RLIM: variants seen among roughly 807,000 people sequenced by gnomAD.
RLIM encodes ring finger protein, LIM domain interacting, also known as E3 ubiquitin-protein ligase RLIM.
RLIM carries 2 observed loss-of-function variants against 34.0 expected under a neutral mutation model. The observed-to-expected ratio is 0.06, with a 90% CI of 0.02 to 0.19. The LOEUF (loss-of-function observed/expected upper bound fraction) is 0.19. RLIM is among the 10% of genes least tolerant of loss of function. The pLI is 1.00. For missense variants in RLIM, 286 were observed against 479.7 expected, an observed-to-expected ratio of 0.60 and a Z score of 3.77; for synonymous variants, 169 against 164.0, an observed-to-expected ratio of 1.03 and a Z score of -0.23.
rs1423172406 is a variant in RLIM at position 74,587,209 on chromosome X, C to T, written c.*4231G>A. ...TTTTTCATGTTTTTTCAAAAGCACA[C>T]AATTTACTAGTTAACTCAATGAATT... On this transcript the variant is annotated 3_prime_UTR_variant, in exon 4 of 4. Coordinates refer to ENST00000332687, the MANE Select transcript of RLIM (RefSeq NM_016120.4). The T allele has an allele frequency of 1.8e-5, 2 of 111,839 alleles. No individual in the cohort carries two copies. The highest frequency in any genetic ancestry group is 3.8e-5 in the Non-Finnish European group (2 of 53,176). 9.2% of individuals were successfully genotyped at this position (111,839 alleles called of 1,213,427 possible).
Position 74,590,223 on chromosome X carries a change from G to A in RLIM, c.*1217C>T, listed in dbSNP as rs1002072892. ...TCCTCCATTTTTTCATTTTTGAGGA[G>A]CAGACTTGTAAATTTAACTTGTGCT... On this transcript the variant is annotated 3_prime_UTR_variant, in exon 4 of 4. Coordinates refer to ENST00000332687, the MANE Select transcript of RLIM (RefSeq NM_016120.4). 1 of 111,747 alleles carries A rather than the reference G, an allele frequency of 8.9e-6. No individual in the cohort carries two copies. The highest frequency in any genetic ancestry group is 3.3e-5 in the African/African-American group (1 of 30,716). The allele number at this position is 111,747 out of a possible 1,213,427, so 9.2% of individuals were successfully genotyped here. A position where few individuals can be genotyped will look rare whatever the true frequency, so the allele number is the denominator to read the frequency against.
At position 74,592,753 on chromosome X, in the gene RLIM, G is replaced by A; in HGVS notation, c.562C>T (p.Pro188Ser). 8.3e-7 allele frequency: 1 copy of A among 1,211,636 alleles called. No homozygotes were observed. The highest frequency in any genetic ancestry group is 1.1e-6 in the Non-Finnish European group (1 of 895,345). The change falls in exon 4 of 4, where the codon CCA (proline) becomes TCA (serine). Residue 188 changes from proline (P) to serine (S), a missense_variant. Around this residue, in one of 6 missense-constraint regions of RLIM, gnomAD observed 121 missense variants for 182.4 expected, o/e 0.66. Coordinates refer to ENST00000332687, the MANE Select transcript of RLIM (RefSeq NM_016120.4). ...GTTGAATTTCGTTCTGATCTAGATG[G>A]CCTTGCAGATGTTGATTCAGATCGT... ...NPRSESTSARPSRSERNSTEA... is the reference protein window; with the variant it reads ...NPRSESTSARSSRSERNSTEA...
rs898466090 is a variant in RLIM, at chrX:74,588,991, G to C, written c.*2449C>G. ...AAATCCGTGAGTGCTACTGAAAAAG[G>C]TGTTCACATGCACATGTCCAATATG... On this transcript the variant is annotated 3_prime_UTR_variant, in exon 4 of 4. Transcript: ENST00000332687. 4.5e-5 allele frequency: 5 copies of C among 112,085 alleles called. No individual in the cohort carries two copies. The highest frequency in any genetic ancestry group is 9.4e-5 in the Non-Finnish European group (5 of 53,258). 9.2% of individuals were successfully genotyped at this position (112,085 alleles called of 1,213,427 possible). A position where few individuals can be genotyped will look rare whatever the true frequency, so the allele number is the denominator to read the frequency against.
chrX:74,584,613 G>A lies in RLIM; in HGVS notation c.*6827C>T, dbSNP rs986225366. ...TTTTTTTGAGACAAGGTTTTGCTCTGTAACCCAGGCTGGAGTGCATCAGCA... is the reference window on the plus strand; with the variant it reads ...TTTTTTTGAGACAAGGTTTTGCTCTATAACCCAGGCTGGAGTGCATCAGCA... On this transcript the variant is annotated 3_prime_UTR_variant, in exon 4 of 4. Coordinates refer to ENST00000332687, the MANE Select transcript of RLIM (RefSeq NM_016120.4). 9.0e-6 allele frequency among the ~76,000 whole-genome samples: 1 copy of A among 110,847 alleles called. No homozygotes were observed. Among genetic ancestry groups the A allele is most frequent in the Non-Finnish European group, 1.9e-5 (1 of 52,989 alleles).
chrX:74,605,799 A>G (rs1378332391), intron 1 of RLIM, among the ~76,000 whole-genome samples: 1 of 111,924 alleles, frequency 8.9e-6, no homozygotes, highest in Non-Finnish European at 1.9e-5. Flanking sequence ...TTACACCTGT[A>G]TTTCATTTAA....
chrX:74,613,654 T>TA (rs1350283195), intron 1 of RLIM, among the ~76,000 whole-genome samples: 3 of 106,241 alleles, frequency 2.8e-5, no homozygotes, highest in African/African-American at 3.4e-5. Flanking sequence ...TTTTTTTTTT[T>TA]AATGGGGGAG....
intron 1 of RLIM, among the ~76,000 whole-genome samples, chrX:74,598,588 C>CTAACACAG (rs2079648839): frequency 9.1e-6 from 1 of 110,414 alleles, no homozygotes; most frequent in Non-Finnish European, 1.9e-5. Flanking sequence ...ACCATCCTGG[C>CTAACACAG]TAACACAGTG....
intron 1 of RLIM, among the ~76,000 whole-genome samples, chrX:74,604,139 TA>T (rs1175817667): frequency 8.6e-4 from 93 of 107,917 alleles, no homozygotes; most frequent in African/African-American, 3.0e-3. Context: ...CATTTCAACA[TA>T]AAAAAAAATT....
chrX:74,596,019 C>T lies in RLIM; in HGVS notation c.-23-19G>A. On this transcript the variant is annotated intron_variant, in intron 1 of 3. Coordinates refer to ENST00000332687, the MANE Select transcript of RLIM (RefSeq NM_016120.4). ...AAAATACCTGAAAAGAGAAAAGAGA[C>T]TAATCTTGAAAATAAAGGTCACTAT... 4 of 1,016,012 alleles carry T rather than the reference C, an allele frequency of 3.9e-6. No individual in the cohort carries two copies. Among genetic ancestry groups the T allele is most frequent in the Non-Finnish European group, 5.3e-6 (4 of 752,442 alleles). The allele number at this position is 1,016,012 out of a possible 1,213,427, so 83.7% of individuals were successfully genotyped here.
At position 74,592,765 on chromosome X, in the gene RLIM, T is replaced by A. The variant is rs1230638226; in HGVS notation, c.550A>T (p.Thr184Ser). The change falls in exon 4 of 4, where the codon ACA becomes TCA. Residue 184 changes from threonine to serine, a missense_variant. Physicochemically the swap from Thr to Ser is moderately conservative, Grantham distance 58 (BLOSUM62 1). This residue lies in a region of RLIM where 121 missense variants were observed against 182.4 expected (regional missense o/e 0.66). Transcript: ENST00000332687. ...RQVENPRSES[T>S]SARPSRSERN... ...TCTGATCTAGATGGCCTTGCAGATGTTGATTCAGATCGTGGGTTTTCCACT... is the reference window on the plus strand; with the variant it reads ...TCTGATCTAGATGGCCTTGCAGATGATGATTCAGATCGTGGGTTTTCCACT... 1 of 1,211,875 alleles carries A rather than the reference T, an allele frequency of 8.3e-7. No individual in the cohort carries two copies. Among genetic ancestry groups the A allele is most frequent in the Admixed American group, 2.2e-5 (1 of 46,081 alleles).
rs1470908999 is a variant in RLIM, at chrX:74,586,784, T to C, written c.*4656A>G. 1 of 112,893 alleles carries C rather than the reference T, an allele frequency of 8.9e-6. No individual in the cohort carries two copies. Among genetic ancestry groups the C allele is most frequent in the Non-Finnish European group, 1.9e-5 (1 of 53,420 alleles). The allele number at this position is 112,893 out of a possible 1,213,427, so 9.3% of individuals were successfully genotyped here. On this transcript the variant is annotated 3_prime_UTR_variant, in exon 4 of 4. Transcript: ENST00000332687. ...CTTAACTCATAGCTGTTTTAGTTGA[T>C]TAAAAAATCTGATTTAAAAATAAGT... is the stretch of plus-strand genomic sequence containing the variant.
At chrX:74,600,545 G>C (rs2079656924) in intron 1 of RLIM, among the ~76,000 whole-genome samples, 1 of 111,774 alleles carries the variant, frequency 8.9e-6, no homozygotes, top group Admixed American at 9.6e-5. Context: ...ACTTGTGTAG[G>C]ATAGGTAAAT....
At position 74,584,712 on chromosome X, in the gene RLIM, G is replaced by GACCACAGCTGTGTACC. The variant is rs1555996155; in HGVS notation, c.*6712_*6727dup. Among the ~76,000 whole-genome samples the GACCACAGCTGTGTACC allele has an allele frequency of 1.8e-5, 2 of 111,322 alleles. No individual in the cohort carries two copies. The highest frequency in any genetic ancestry group is 3.8e-5 in the Non-Finnish European group (2 of 53,090). Reference sequence around the variant, plus strand: ...CCACCTCAGCCTCCCAAGTAGCTGGGACCACAGCTGTGTACCACCACACCT... The same window carrying GACCACAGCTGTGTACC: ...CCACCTCAGCCTCCCAAGTAGCTGGGACCACAGCTGTGTACCACCACAGCTGTGTACCACCACACCT... On this transcript the variant is annotated 3_prime_UTR_variant, in exon 4 of 4. Coordinates refer to ENST00000332687, the MANE Select transcript of RLIM (RefSeq NM_016120.4).
intron 3 of RLIM, among the ~76,000 whole-genome samples, chrX:74,593,893 A>G (rs146765951): frequency 1.8e-4 from 20 of 112,626 alleles, no homozygotes; most frequent in African/African-American, 5.5e-4. Flanking sequence ...CCTGCCCTCT[A>G]CACAAATGTC....
intron 1 of RLIM, among the ~76,000 whole-genome samples, chrX:74,609,551 C>G (rs2079698688): frequency 9.8e-6 from 1 of 101,778 alleles, no homozygotes; most frequent in African/African-American, 3.6e-5. Context: ...AAAGTATTAT[C>G]TATACCAATC....
intron 1 of RLIM, among the ~76,000 whole-genome samples, chrX:74,612,247 A>G (rs2079714905): frequency 1.8e-5 from 2 of 112,352 alleles, no homozygotes; most frequent in Non-Finnish European, 3.8e-5. Context: ...GAACATTTAA[A>G]TGTTATTTTA....
intron 1 of RLIM, among the ~76,000 whole-genome samples, chrX:74,596,418 G>T (rs1027226397): frequency 9.0e-6 from 1 of 111,412 alleles, no homozygotes; most frequent in Non-Finnish European, 1.9e-5. Context: ...GCTAATTTTT[G>T]TATTTTTAGT....
intron 1 of RLIM, among the ~76,000 whole-genome samples, chrX:74,606,482 TTATTA>T (rs1316274959): frequency 6.2e-5 from 7 of 112,258 alleles, no homozygotes; most frequent in Non-Finnish European, 1.1e-4. Flanking sequence ...CTTCTAGTCA[TTATTA>T]TATATTAATA....
In RLIM at chrX:74,591,988, G is replaced by A. The variant is rs1184623526; in HGVS notation, c.1327C>T (p.Arg443Trp). Residue 443 changes from arginine (R) to tryptophan (W), a missense_variant, in exon 4 of 4, where the codon CGG becomes TGG. Physicochemically the swap from Arg to Trp is moderately radical, Grantham distance 101 (BLOSUM62 -3). Around this residue, in one of 6 missense-constraint regions of RLIM, gnomAD observed 69 missense variants for 83.5 expected, o/e 0.83. Coordinates refer to ENST00000332687, the MANE Select transcript of RLIM (RefSeq NM_016120.4). The part of the protein sequence containing the change: ...SNRNMERAES[R>W]SGRGGSGGGS... Reference sequence around the variant, plus strand: ...CCACCAGAACCTCCTCTTCCACTCCGTGACTCTGCCCTTTCCATATTTCGA... The same window carrying A: ...CCACCAGAACCTCCTCTTCCACTCCATGACTCTGCCCTTTCCATATTTCGA... 18 of 1,209,605 alleles carry A rather than the reference G, an allele frequency of 1.5e-5. No homozygotes were observed. Among genetic ancestry groups the A allele is most frequent in the Non-Finnish European group, 1.9e-5 (17 of 895,145 alleles).
Sources: gnomAD v4.1 joint callset for allele counts (sites outside exome capture counted in the v4.1 genomes callset) on GRCh38, gnomAD v4.1.1 for gene constraint, gnomAD v4.1.1 regional missense constraint, MANE v1.5 for transcripts, NCBI Gene and HGNC (gene_info 2026-07-23, HGNC 2026-07-21) for gene names.